PTBP2: variants seen among roughly 807,000 people sequenced by gnomAD.
PTBP2 encodes polypyrimidine tract binding protein 2, also known as polypyrimidine tract-binding protein 2.
Under a neutral mutation model 61.4 loss-of-function variants are expected in PTBP2, and 13 were observed. The observed-to-expected ratio is 0.21, with a 90% confidence interval of 0.14 to 0.34. The LOEUF (loss-of-function observed/expected upper bound fraction) is 0.34. Ranked by LOEUF, PTBP2 falls within the 10% of genes least tolerant of loss-of-function variation. The pLI is 1.00. For missense variants in PTBP2, 405 were observed against 642.6 expected (o/e 0.63, Z 4.00); for synonymous variants, 215 against 218.5 (o/e 0.98, Z 0.14).
intron 8 of PTBP2, among the ~76,000 whole-genome samples, chr1:96,794,297 C>T (rs1660146971): frequency 6.6e-6 from 1 of 152,132 alleles, no homozygotes; most frequent in Non-Finnish European, 1.5e-5. Flanking sequence ...AGGTTTAAAT[C>T]AAATCAGATT....
chr1:96,771,835 A>C (rs1045404068), intron 5 of PTBP2, among the ~76,000 whole-genome samples: 4 of 152,182 alleles, frequency 2.6e-5, no homozygotes, highest in African/African-American at 7.2e-5. Flanking sequence ...TAACATATTC[A>C]TCTCTTCAGT....
intron 1 of PTBP2, 94 bp from the exon 2 acceptor site, chr1:96,723,470 A>C: frequency 2.0e-6 from 2 of 1,022,778 alleles, no homozygotes; most frequent in Non-Finnish European, 2.9e-6. Context: ...TGGAAGATTT[A>C]TGAATGATGG....
At chr1:96,740,257 A>G (rs1000446164) in intron 2 of PTBP2, among the ~76,000 whole-genome samples, 6 of 152,236 alleles carry the variant, frequency 3.9e-5, no homozygotes, top group South Asian at 2.1e-4. Context: ...GAAACTGGGA[A>G]GTCCAAGATC....
chr1:96,749,908 T>G (rs931077308), intron 2 of PTBP2, among the ~76,000 whole-genome samples: 1 of 152,140 alleles, frequency 6.6e-6, no homozygotes, highest in Middle Eastern at 3.2e-3. Context: ...AACTGATAAG[T>G]GGAAGCTGAG....
chr1:96,743,518 T>G (rs1314232238), intron 2 of PTBP2, among the ~76,000 whole-genome samples: 1 of 152,198 alleles, frequency 6.6e-6, no homozygotes, highest in East Asian at 1.9e-4. Flanking sequence ...AGCTAATGAT[T>G]GCATACTTTT....
rs1660535694 is a variant in PTBP2 at position 96,797,764 on chromosome 1, A to G, written c.905-7036A>G. Among the ~76,000 whole-genome samples, 3 of 152,226 alleles carry G rather than the reference A, an allele frequency of 2.0e-5. No homozygotes were observed. The South Asian group carries it at 6.2e-4, about 31-fold the overall frequency. ...TATTACCCAGTACAATATAAATGTT[A>G]TGTAAATGGTTGTTATAGTGTATTG... is the stretch of plus-strand genomic sequence containing the variant. On this transcript the variant is annotated intron_variant, in intron 8 of 13. Transcript: ENST00000674951.
At chr1:96,812,677 T>C (rs755778542) in intron 11 of PTBP2, 35 bp from the exon 12 acceptor site, 1 of 1,416,298 alleles carries the variant, frequency 7.1e-7, no homozygotes, top group Non-Finnish European at 9.8e-7. Context: ...TGAGCTTTGA[T>C]ATTGTTTGTT....
chr1:96,724,677 G>A (rs1570675795), intron 2 of PTBP2, among the ~76,000 whole-genome samples: 1 of 148,368 alleles, frequency 6.7e-6, no homozygotes, highest in African/African-American at 2.5e-5. Context: ...TATCCATAAT[G>A]GGGGGAGGGG....
chr1:96,779,097 A>G (rs987407313), intron 7 of PTBP2, among the ~76,000 whole-genome samples: 2 of 152,112 alleles, frequency 1.3e-5, no homozygotes, highest in African/African-American at 4.8e-5. Flanking sequence ...CTTTCTCTCC[A>G]GTATGCTGCT....
intron 8 of PTBP2, among the ~76,000 whole-genome samples, chr1:96,795,973 A>G (rs951424471): frequency 1.3e-5 from 2 of 152,244 alleles, no homozygotes; most frequent in Non-Finnish European, 2.9e-5. Context: ...TGCCTGGTAT[A>G]TAATAAATGC....
chr1:96,813,206 A>AGTATTT, intron 13 of PTBP2, 70 bp from the exon 14 acceptor site: 2 of 1,552,028 alleles, frequency 1.3e-6, no homozygotes, highest in Non-Finnish European at 1.7e-6. Context: ...GGAATGGCCA[A>AGTATTT]AATTCAAGTA....
At chr1:96,747,559 T>C (rs1654002517) in intron 2 of PTBP2, among the ~76,000 whole-genome samples, 1 of 152,144 alleles carries the variant, frequency 6.6e-6, no homozygotes, top group African/African-American at 2.4e-5. Flanking sequence ...GTCAATTAAA[T>C]TGAAATCTCT....
chr1:96,773,111 G>A (rs576385347), intron 5 of PTBP2, among the ~76,000 whole-genome samples: 110 of 126,500 alleles, frequency 8.7e-4, no homozygotes, highest in Non-Finnish European at 1.2e-3. Context: ...GTGACAGAGC[G>A]AGACTCTATC....
intron 3 of PTBP2, among the ~76,000 whole-genome samples, chr1:96,763,128 A>T (rs1033570621): frequency 1.1e-4 from 16 of 150,340 alleles, no homozygotes; most frequent in Non-Finnish European, 2.4e-4. Flanking sequence ...CTCACGTTCC[A>T]GACGATGGGC....
chr1:96,797,161 G>A (rs1319026703), intron 8 of PTBP2, among the ~76,000 whole-genome samples: 4 of 151,512 alleles, frequency 2.6e-5, no homozygotes, highest in South Asian at 4.2e-4. Context: ...CATTGACATC[G>A]GAAGCCATCC....
At chr1:96,812,644 C>G (rs947069214) in intron 11 of PTBP2, 68 bp from the exon 12 acceptor site, 2 of 1,247,192 alleles carry the variant, frequency 1.6e-6, no homozygotes, top group Non-Finnish European at 2.2e-6. Flanking sequence ...TAAACTGTTA[C>G]GTTAAAAGAA....
chr1:96,810,025 T>G (rs1332665437), intron 11 of PTBP2, among the ~76,000 whole-genome samples: 2 of 152,150 alleles, frequency 1.3e-5, no homozygotes, highest in African/African-American at 2.4e-5. Flanking sequence ...ACAAAAAAAT[T>G]TTTTTGAATT....
chr1:96,722,004 C>A, intron 1 of PTBP2, 132 bp downstream of exon 1: 1 of 1,161,296 alleles, frequency 8.6e-7, no homozygotes, highest in South Asian at 1.4e-5. Flanking sequence ...AACCCCCGCC[C>A]CATCGCACAC....
chr1:96,788,397 C>T (rs550726160), intron 8 of PTBP2, among the ~76,000 whole-genome samples: 1 of 152,090 alleles, frequency 6.6e-6, no homozygotes, highest in African/African-American at 2.4e-5. Context: ...CTTCTTCATA[C>T]GTTTGGTGAA....
Sources: allele counts gnomAD v4.1 joint callset (sites outside exome capture counted in the v4.1 genomes callset), GRCh38; gene constraint gnomAD v4.1.1; transcripts MANE v1.5; gene names NCBI Gene and HGNC (gene_info 2026-07-23, HGNC 2026-07-21).